The following CDH7 variants were observed in gnomAD, a reference collection of about 807,000 sequenced individuals.
The protein encoded by CDH7 is cadherin 7, also known as cadherin-7.
In CDH7, 25 loss-of-function variants were observed where a neutral mutation model predicts 71.8. That is an observed-to-expected ratio of 0.35 (90% CI 0.25 to 0.49). CDH7 has a LOEUF of 0.49. CDH7 is among the 20% of genes least tolerant of loss of function. CDH7 has a pLI of 0.99. For missense variants in CDH7, 862 were observed against 974.6 expected (o/e 0.88, Z 1.54); for synonymous variants, 381 against 363.8 (o/e 1.05, Z -0.54).
chr18:65,771,623 C>T (rs1916545151), intron 2 of CDH7, among the ~76,000 whole-genome samples: 1 of 151,700 alleles, frequency 6.6e-6, no homozygotes, highest in Non-Finnish European at 1.5e-5. Context: ...CTGCAGTGAG[C>T]CAAGATCATG....
In CDH7 at chr18:65,843,970, C is replaced by T. The variant is rs1348877162; in HGVS notation, c.1140C>T (p.Pro380=). The change falls in exon 7 of 12, where the codon CCC becomes CCT. Residue 380 remains proline, a synonymous_variant. Transcript: ENST00000397968. ...DVDEPPVFSS[P]LYPMEVSEAT... is the part of the protein sequence containing the mutation. ...ATGAGCCCCCTGTGTTCTCTTCACC[C>T]TTGTACCCTATGGAGGTGTCGGAAG... is the stretch of plus-strand genomic sequence containing the variant. 1 of 1,612,742 alleles carries T rather than the reference C, an allele frequency of 6.2e-7. No individual in the cohort carries two copies. Among genetic ancestry groups the T allele is most frequent in the Non-Finnish European group, 8.5e-7 (1 of 1,179,354 alleles).
chr18:65,823,262 G>A (rs931764198), intron 5 of CDH7, among the ~76,000 whole-genome samples: 1 of 151,794 alleles, frequency 6.6e-6, no homozygotes, highest in African/African-American at 2.4e-5. Context: ...CCCAGGTTTA[G>A]CATTATTTTC....
intron 7 of CDH7, among the ~76,000 whole-genome samples, chr18:65,854,435 C>G (rs1241968821): frequency 1.3e-5 from 2 of 151,978 alleles, no homozygotes; most frequent in Non-Finnish European, 2.9e-5. Flanking sequence ...TAACTAGATC[C>G]CTAAATTATT....
At chr18:65,763,150 A>G (rs1380400047) in intron 2 of CDH7, 98 bp downstream of exon 2, 4 of 641,696 alleles carry the variant, frequency 6.2e-6, no homozygotes, top group Non-Finnish European at 9.4e-6. Context: ...ATTTTTTGCT[A>G]TGGGGATGGT....
chr18:65,869,545 A>ATTTCTTTT (rs1913864453), intron 11 of CDH7, among the ~76,000 whole-genome samples: 1 of 91,374 alleles, frequency 1.1e-5, no homozygotes, highest in Admixed American at 1.6e-4. Flanking sequence ...AAGTGGGTCA[A>ATTTCTTTT]TTTTTTTTTT....
intron 1 of CDH7, among the ~76,000 whole-genome samples, chr18:65,754,180 C>T (rs1250462721): frequency 6.6e-6 from 1 of 152,272 alleles, no homozygotes; most frequent in Non-Finnish European, 1.5e-5. Flanking sequence ...ACTCTTGTTT[C>T]CCCTTTTAAA....
chr18:65,841,116 T>A (rs1912717313), intron 6 of CDH7, among the ~76,000 whole-genome samples: 1 of 152,192 alleles, frequency 6.6e-6, no homozygotes, highest in Non-Finnish European at 1.5e-5. Context: ...ATTCCTTTTG[T>A]CTGTAATCTT....
At chr18:65,805,838 T>A (rs1444091315) in intron 2 of CDH7, among the ~76,000 whole-genome samples, 1 of 152,080 alleles carries the variant, frequency 6.6e-6, no homozygotes, top group East Asian at 1.9e-4. Flanking sequence ...TAATGAGGGG[T>A]GTGATATAAT....
intron 2 of CDH7, among the ~76,000 whole-genome samples, chr18:65,789,046 G>A (rs1025115448): frequency 6.6e-6 from 1 of 152,202 alleles, no homozygotes; most frequent in Non-Finnish European, 1.5e-5. Context: ...GTACACCCAT[G>A]TGGCCATACT....
At chr18:65,801,668 C>T (rs1911129500) in intron 2 of CDH7, among the ~76,000 whole-genome samples, 1 of 152,260 alleles carries the variant, frequency 6.6e-6, no homozygotes, top group South Asian at 2.1e-4. Context: ...TCTGTGTTAT[C>T]GCTGACGTTC....
rs1914310388 is a variant in CDH7, at chr18:65,884,238, T to G, written c.*3344T>G. Reference sequence around the variant, plus strand: ...TAAATTATCAATCTCAATTCACAAATTAGTCTCTGAAAGAAATATTCCAAG... The same window carrying G: ...TAAATTATCAATCTCAATTCACAAAGTAGTCTCTGAAAGAAATATTCCAAG... On this transcript the variant is annotated 3_prime_UTR_variant, in exon 12 of 12. Transcript: ENST00000397968. 1 of 152,216 alleles carries G rather than the reference T, an allele frequency of 6.6e-6. No homozygotes were observed. Among genetic ancestry groups the G allele is most frequent in the Non-Finnish European group, 1.5e-5 (1 of 67,964 alleles). The allele number at this position is 152,216 out of a possible 1,614,324, so 9.4% of individuals were successfully genotyped here.
At chr18:65,832,957 A>T (rs536074926) in intron 6 of CDH7, among the ~76,000 whole-genome samples, 1 of 152,172 alleles carries the variant, frequency 6.6e-6, no homozygotes, top group Non-Finnish European at 1.5e-5. Flanking sequence ...TTCAAAATTA[A>T]TTCCCTATGA....
intron 2 of CDH7, among the ~76,000 whole-genome samples, chr18:65,805,650 C>T (rs4941352): frequency 0.6 from 91,867 of 152,154 alleles, 29,411 homozygotes; most frequent in East Asian, 0.97. Context: ...ATAGATGCTT[C>T]CTGGAATAAA....
chr18:65,758,240 CT>C (rs1916088196), intron 1 of CDH7, among the ~76,000 whole-genome samples: 1 of 152,164 alleles, frequency 6.6e-6, no homozygotes. Flanking sequence ...TAAAATAATG[CT>C]TCAGAGCCCT....
chr18:65,788,592 A>G (rs905309788), intron 2 of CDH7, among the ~76,000 whole-genome samples: 1 of 152,206 alleles, frequency 6.6e-6, no homozygotes, highest in South Asian at 2.1e-4. Context: ...GGCTTGCTCA[A>G]CTAATGCATT....
chr18:65,813,200 C>T (rs187924517), intron 3 of CDH7, among the ~76,000 whole-genome samples: 321 of 152,238 alleles, frequency 2.1e-3, no homozygotes, highest in African/African-American at 4.5e-3. Context: ...GGCATGGTGG[C>T]GCATGCCTGT....
At chr18:65,836,774 CA>C (rs1275077149) in intron 6 of CDH7, among the ~76,000 whole-genome samples, 2 of 152,232 alleles carry the variant, frequency 1.3e-5, no homozygotes, top group East Asian at 3.9e-4. Flanking sequence ...AATTTGCTTA[CA>C]CTTATTTTAC....
At chr18:65,794,878 G>A (rs1312802393) in intron 2 of CDH7, among the ~76,000 whole-genome samples, 1 of 152,094 alleles carries the variant, frequency 6.6e-6, no homozygotes, top group African/African-American at 2.4e-5. Context: ...ATAAAATTAG[G>A]ACGGTAATGC....
intron 2 of CDH7, among the ~76,000 whole-genome samples, chr18:65,773,341 A>G (rs932360386): frequency 1.3e-5 from 2 of 152,160 alleles, no homozygotes; most frequent in Non-Finnish European, 2.9e-5. Flanking sequence ...TTTTCACTAA[A>G]AAGAAAGAAT....
Sources: allele counts gnomAD v4.1 joint callset (sites outside exome capture counted in the v4.1 genomes callset), GRCh38; gene constraint gnomAD v4.1.1; transcripts MANE v1.5; gene names NCBI Gene and HGNC (gene_info 2026-07-23, HGNC 2026-07-21).